RTEL1: variants seen among roughly 807,000 people sequenced by gnomAD.
The protein encoded by RTEL1 is regulator of telomere elongation helicase 1.
A neutral mutation model predicts 162.2 loss-of-function variants in RTEL1; 86 were observed. The observed-to-expected ratio is 0.53, with a 90% CI of 0.45 to 0.63. The LOEUF (loss-of-function observed/expected upper bound fraction) is 0.63. RTEL1 is among the 30% of genes least tolerant of loss of function. The pLI, the probability that RTEL1 is intolerant of heterozygous loss-of-function variation, is 0.00. For synonymous variants in RTEL1, 958 were observed against 717.9 expected, an observed-to-expected ratio of 1.33 and a Z score of -5.35; for missense variants, 1,941 against 1,750.2, an observed-to-expected ratio of 1.11 and a Z score of -1.95.
intron 9 of RTEL1, 133 bp downstream of exon 9, chr20:63,672,754 AC>A: frequency 1.4e-6 from 1 of 739,424 alleles, no homozygotes; most frequent in Non-Finnish European, 2.4e-6. Context: ...GACTGAGCAC[AC>A]CAGGAGCTTC....
intron 13 of RTEL1, 123 bp from the exon 14 acceptor site, chr20:63,680,537 GGCCC>G: frequency 2.1e-6 from 2 of 972,110 alleles, no homozygotes; most frequent in Non-Finnish European, 3.2e-6. Context: ...CTCCACCCTG[GGCCC>G]CCCATTGGGC....
chr20:63,662,809 C>T lies in RTEL1; in HGVS notation c.478-20C>T. The T allele has an allele frequency of 1.2e-6, 2 of 1,613,662 alleles. No homozygotes were observed. Among genetic ancestry groups the T allele is most frequent in the Non-Finnish European group, 1.7e-6 (2 of 1,179,956 alleles). ...TTCTTGGCCGTGCTTCAGCTGCGCA[C>T]TCTGCCCTTCCTCCCACAGATCCAC... On this transcript the variant is annotated intron_variant, in intron 5 of 34. Coordinates refer to ENST00000360203, the MANE Select transcript of RTEL1 (RefSeq NM_001283009.2).
At position 63,695,230 on chromosome 20, in the gene RTEL1, C is replaced by G. The variant is rs746358773; in HGVS notation, c.3499+9C>G. On this transcript the variant is annotated intron_variant, in intron 33 of 34. Transcript: ENST00000360203. ...CAGGGCTCCCCAACCAGGTAGGGCA[C>G]CTGCCTGGCTGCTCCTGGCAGCGCC... 3 of 1,609,792 alleles carry G rather than the reference C, an allele frequency of 1.9e-6. No homozygotes were observed. Among genetic ancestry groups the G allele is most frequent in the Admixed American group, 1.7e-5 (1 of 59,922 alleles).
rs1380968076 is a variant in RTEL1, at chr20:63,661,854, C to G, written c.306C>G (p.Cys102Trp). 1.9e-6 allele frequency: 3 copies of G among 1,613,842 alleles called. No individual in the cohort carries two copies. In the Admixed American group the frequency reaches 5.0e-5, roughly 27 times the overall value. The change falls in exon 4 of 35, where the codon TGC (cysteine) becomes TGG (tryptophan). Residue 102 changes from cysteine (C) to tryptophan (W), a missense_variant. Cys to Trp is a radical substitution (Grantham distance 215, BLOSUM62 -2). Transcript: ENST00000360203. This position sits in a 1 kb window ranked among gnomAD's most constrained non-coding sequence, Gnocchi z 5.1. ...TGCTTGCTTGTGTCTGGTCAGCTTG[C>G]TACACGGACATCCCAAAGATTATTT... ...AAAAAGDPIACYTDIPKIIYA... is the reference protein window; with the variant it reads ...AAAAAGDPIAWYTDIPKIIYA...
chr20:63,690,668 C>T (rs941457340), intron 26 of RTEL1, 137 bp from the exon 27 acceptor site: 7 of 1,077,198 alleles, frequency 6.5e-6, no homozygotes, highest in South Asian at 5.0e-5. Context: ...GGCTGAGACT[C>T]CCCCCAATAG....
intron 20 of RTEL1, 44 bp from the exon 21 acceptor site, chr20:63,688,484 C>G (rs1016536167): frequency 1.2e-6 from 2 of 1,605,444 alleles, no homozygotes; most frequent in Middle Eastern, 3.4e-4. Context: ...ATCGGATCGG[C>G]GGCGTGACCA....
intron 16 of RTEL1, 89 bp downstream of exon 16, chr20:63,685,961 G>A: frequency 3.1e-6 from 4 of 1,293,272 alleles, no homozygotes; most frequent in South Asian, 2.5e-5. Context: ...CCCAGCCGTG[G>A]ATCTCCTGCC....
At chr20:63,690,982 C>G in intron 27 of RTEL1, 35 bp downstream of exon 27, 1 of 1,528,038 alleles carries the variant, frequency 6.5e-7, no homozygotes, top group Non-Finnish European at 8.8e-7. Flanking sequence ...GACACAGACC[C>G]TCTGTCTCCT....
rs2090583858 is a variant in RTEL1 at position 63,685,966 on chromosome 20, C to T, written c.1348+94C>T. 1.1e-5 allele frequency: 14 copies of T among 1,247,466 alleles called. 1 individual carries two copies. The South Asian group carries it at 1.3e-4, about 11-fold the overall frequency. The allele number at this position is 1,247,466 out of a possible 1,614,324, so 77.3% of individuals were successfully genotyped here. A position where few individuals can be genotyped will look rare whatever the true frequency, so the allele number is the denominator to read the frequency against. ...TAGGCACATGCCCAGCCGTGGATCT[C>T]CTGCCCCCATGGGCCTGGCCACCTT... is the stretch of plus-strand genomic sequence containing the variant. On this transcript the variant is annotated intron_variant, in intron 16 of 34. Coordinates refer to ENST00000360203, the MANE Select transcript of RTEL1 (RefSeq NM_001283009.2).
In RTEL1 at chr20:63,689,822, C is replaced by A; in HGVS notation, c.2098C>A (p.Arg700=). 1 of 1,611,808 alleles carries A rather than the reference C, an allele frequency of 6.2e-7. No individual in the cohort carries two copies. Among genetic ancestry groups the A allele is most frequent in the South Asian group, 1.1e-5 (1 of 91,068 alleles). The change falls in exon 24 of 35, where the codon CGG becomes AGG. Residue 700 remains arginine, a synonymous_variant. Coordinates refer to ENST00000360203, the MANE Select transcript of RTEL1 (RefSeq NM_001283009.2). ...AVNQAIGRVI[R]HRQDYGAVFL... The stretch of plus-strand genomic sequence containing the variant: ...GAACCAGGCCATCGGGCGAGTGATC[C>A]GGCACCGCCAGGACTACGGAGCTGT...
At chr20:63,676,380 C>T (rs956773106) in intron 10 of RTEL1, among the ~76,000 whole-genome samples, 2 of 152,166 alleles carry the variant, frequency 1.3e-5, no homozygotes, top group African/African-American at 4.8e-5. Context: ...GGCTTGAGGG[C>T]CCCAGTTAGA....
At chr20:63,678,957 C>T (rs1463796416) in intron 12 of RTEL1, among the ~76,000 whole-genome samples, 1 of 152,188 alleles carries the variant, frequency 6.6e-6, no homozygotes, top group African/African-American at 2.4e-5. Context: ...GGGTTTCCTG[C>T]AGTTTCTCCT....
intron 1 of RTEL1, 59 bp from the exon 2 acceptor site, chr20:63,659,174 G>A (rs1349402472): frequency 5.5e-6 from 3 of 547,626 alleles, no homozygotes; most frequent in African/African-American, 3.8e-5. Flanking sequence ...AAACGCCTGG[G>A]AAAGTAGCCC....
In RTEL1 at chr20:63,678,346, G is replaced by A. The variant is rs1383773861; in HGVS notation, c.1037G>A (p.Ser346Asn). ...GACAGCGGTGTCACCAAGCCAGGGA[G>A]GTGAGAGGCGGGGAGCCAGCCCCTT... ...GDDSGVTKPG[S>N]YIFELFAEAQ... The change falls in exon 12 of 35, where the codon AGC (serine) becomes AAC (asparagine). Residue 346 changes from serine (S) to asparagine (N), a missense_variant and splice_region_variant. Physicochemically the swap from Ser to Asn is conservative, Grantham distance 46. Transcript: ENST00000360203. 4 of 1,609,722 alleles carry A rather than the reference G, an allele frequency of 2.5e-6. No homozygotes were observed. Among genetic ancestry groups the A allele is most frequent in the Non-Finnish European group, 3.4e-6 (4 of 1,178,970 alleles).
intron 30 of RTEL1, 191 bp from the exon 31 acceptor site, chr20:63,694,181 G>T (rs2090904366): frequency 3.3e-6 from 2 of 608,062 alleles, no homozygotes; most frequent in Non-Finnish European, 5.9e-6. Flanking sequence ...GCCCGCCACT[G>T]TTCCAGCCCC....
Position 63,688,199 on chromosome 20 carries a change from C to G in RTEL1, c.1636+20C>G, listed in dbSNP as rs769558436. 2.5e-6 allele frequency: 4 copies of G among 1,611,316 alleles called. No individual in the cohort carries two copies. The highest frequency in any genetic ancestry group is 3.4e-6 in the Non-Finnish European group (4 of 1,179,894). Reference sequence around the variant, plus strand: ...CTCTGGGTGAGTGCCCTGAATGCCCCAGCTGTGCCCATCCTGGATCCTGGA... The same window carrying G: ...CTCTGGGTGAGTGCCCTGAATGCCCGAGCTGTGCCCATCCTGGATCCTGGA... On this transcript the variant is annotated intron_variant, in intron 19 of 34. Transcript: ENST00000360203.
At chr20:63,677,735 C>T (rs2090385878) in intron 10 of RTEL1, among the ~76,000 whole-genome samples, 1 of 151,316 alleles carries the variant, frequency 6.6e-6, no homozygotes, top group East Asian at 1.9e-4. Flanking sequence ...TTCTGTGTGG[C>T]CTCTTCCTTC....
rs1405952298 is a variant in RTEL1, at chr20:63,687,789, A to G, written c.1481+19A>G. The G allele has an allele frequency of 1.3e-6, 2 of 1,560,542 alleles. No homozygotes were observed. Among genetic ancestry groups the G allele is most frequent in the Non-Finnish European group, 1.7e-6 (2 of 1,152,902 alleles). ...TGCAGATGTACGGGCCACCCCTGCCAGGGCCTGAGCACCGGTGACACCTCT... is the reference window on the plus strand; with the variant it reads ...TGCAGATGTACGGGCCACCCCTGCCGGGGCCTGAGCACCGGTGACACCTCT... On this transcript the variant is annotated intron_variant, in intron 17 of 34. Coordinates refer to ENST00000360203, the MANE Select transcript of RTEL1 (RefSeq NM_001283009.2).
intron 15 of RTEL1, 83 bp from the exon 16 acceptor site, chr20:63,685,708 G>A (rs1300398823): frequency 6.3e-7 from 1 of 1,582,706 alleles, no homozygotes; most frequent in East Asian, 2.3e-5. Flanking sequence ...AGGTGGGGCT[G>A]GGGGTCTTCT....
Sources: allele counts gnomAD v4.1 joint callset (sites outside exome capture counted in the v4.1 genomes callset), GRCh38; gene constraint gnomAD v4.1.1; non-coding constraint Gnocchi (gnomAD v3.1); transcripts MANE v1.5; gene names NCBI Gene and HGNC (gene_info 2026-07-23, HGNC 2026-07-21).